ITSN1: variants seen among roughly 807,000 people sequenced by gnomAD.
ITSN1 encodes intersectin-1.
ITSN1 carries 58 observed loss-of-function variants against 239.8 expected under a neutral mutation model. The ratio of observed to expected loss-of-function variants is 0.24; its 90% CI spans 0.20 to 0.30. The LOEUF is 0.30. ITSN1 is among the 10% of genes least tolerant of loss of function. ITSN1 has a pLI of 1.00. For missense variants in ITSN1, 1,558 were observed against 2,103.3 expected (o/e 0.74, Z 5.07); for synonymous variants, 780 against 770.8 (o/e 1.01, Z -0.20).
intron 1 of ITSN1, among the ~76,000 whole-genome samples, chr21:33,648,853 AAG>A (rs1307564913): frequency 3.3e-5 from 5 of 152,046 alleles, no homozygotes; most frequent in Middle Eastern, 3.4e-3. Flanking sequence ...AGGGCAGGGC[AAG>A]AGAGAGAGAA....
At chr21:33,843,224 C>T (rs2074884048) in intron 29 of ITSN1, among the ~76,000 whole-genome samples, 2 of 152,194 alleles carry the variant, frequency 1.3e-5, no homozygotes, top group Non-Finnish European at 2.9e-5. Flanking sequence ...GATCTATGGA[C>T]ATGTGTGTCC....
intron 1 of ITSN1, among the ~76,000 whole-genome samples, chr21:33,661,290 A>T (rs2089534671): frequency 6.6e-6 from 1 of 152,048 alleles, no homozygotes; most frequent in Non-Finnish European, 1.5e-5. Flanking sequence ...TTGCACAGTG[A>T]TTTTCTTGGA....
chr21:33,888,315 G>A lies in ITSN1; in HGVS notation c.*15G>A, dbSNP rs180825877. The A allele has an allele frequency of 1.2e-6, 2 of 1,607,046 alleles. No individual in the cohort carries two copies. Among genetic ancestry groups the A allele is most frequent in the Non-Finnish European group, 1.7e-6 (2 of 1,176,248 alleles). ...ATGAGCCGTAGGCAGCGGGCTCAGG[G>A]TGTGCTCAGCAGGGTCCCAGCCCAC... On this transcript the variant is annotated 3_prime_UTR_variant, in exon 40 of 40. Transcript: ENST00000381318.
chr21:33,765,639 G>T (rs950880801), intron 9 of ITSN1, among the ~76,000 whole-genome samples: 4 of 152,176 alleles, frequency 2.6e-5, no homozygotes, highest in Admixed American at 2.6e-4. Flanking sequence ...ATATGCAAAG[G>T]TTGGGGAAGA....
At position 33,896,482 on chromosome 21, in the gene ITSN1, TG is replaced by T. The variant is rs1986788175; in HGVS notation, c.*8184del. On this transcript the variant is annotated 3_prime_UTR_variant, in exon 40 of 40. Transcript: ENST00000381318. ...ACTTGCTCCTCCAGCCTTCACCCCC[TG>T]GAGAGAAGGGGAGTCTGCGGAGCCA... is the stretch of plus-strand genomic sequence containing the variant. 1 of 152,256 alleles carries T rather than the reference TG, an allele frequency of 6.6e-6. No homozygotes were observed. The highest frequency in any genetic ancestry group is 2.4e-5 in the African/African-American group (1 of 41,416). The allele number at this position is 152,256 out of a possible 1,614,324, so 9.4% of individuals were successfully genotyped here.
At chr21:33,817,232 C>T in intron 22 of ITSN1, 1 of 1,297,186 alleles carries the variant, frequency 7.7e-7, no homozygotes, top group South Asian at 1.2e-5. Context: ...CCTTTCCAGC[C>T]TGACTTCCTC....
chr21:33,706,959 G>A (rs920788133), intron 1 of ITSN1, among the ~76,000 whole-genome samples: 2 of 152,112 alleles, frequency 1.3e-5, no homozygotes, highest in Admixed American at 6.6e-5. Flanking sequence ...CTGACCTCAA[G>A]TGATCCACCC....
chr21:33,646,374 T>C (rs1475920398), intron 1 of ITSN1, among the ~76,000 whole-genome samples: 2 of 152,254 alleles, frequency 1.3e-5, no homozygotes, highest in African/African-American at 4.8e-5. Context: ...TATTGTCTTA[T>C]ATCAAAATAT....
intron 14 of ITSN1, among the ~76,000 whole-genome samples, chr21:33,781,226 C>T (rs2070153721): frequency 6.6e-6 from 1 of 152,052 alleles, no homozygotes; most frequent in African/African-American, 2.4e-5. Flanking sequence ...GGTAAGTCAA[C>T]AAAAATATAA....
At chr21:33,674,071 A>G (rs566247123) in intron 1 of ITSN1, among the ~76,000 whole-genome samples, 70 of 152,304 alleles carry the variant, frequency 4.6e-4, no homozygotes, top group Admixed American at 1.4e-3. Context: ...TGACATATGT[A>G]ATTAAATGAG....
intron 1 of ITSN1, among the ~76,000 whole-genome samples, chr21:33,690,777 A>ATGTG (rs1410211078): frequency 4.1e-4 from 8 of 19,282 alleles, no homozygotes; most frequent in African/African-American, 2.9e-3. Context: ...AAAAAAGTGT[A>ATGTG]TATATATATA....
intron 34 of ITSN1, 90 bp downstream of exon 34, chr21:33,875,611 T>C: frequency 4.8e-6 from 6 of 1,239,950 alleles, no homozygotes; most frequent in Admixed American, 5.0e-5. Flanking sequence ...TGAACCATTC[T>C]CCTCCCCAGC....
intron 11 of ITSN1, among the ~76,000 whole-genome samples, chr21:33,770,318 C>A (rs1167745914): frequency 6.6e-6 from 1 of 152,198 alleles, no homozygotes; most frequent in Non-Finnish European, 1.5e-5. Context: ...CTGCCTCGGC[C>A]TCCCAAAGTG....
In ITSN1 at chr21:33,892,474, CTA is replaced by C. The variant is rs767885877; in HGVS notation, c.*4176_*4177del. ...AGTGAGACCAAATGCTTGTGTTTCT[CTA>C]TGTTTTCAGTTCATTTGTTCAAATG... On this transcript the variant is annotated 3_prime_UTR_variant, in exon 40 of 40. Coordinates refer to ENST00000381318, the MANE Select transcript of ITSN1 (RefSeq NM_003024.3). The C allele has an allele frequency of 2.6e-5, 4 of 152,198 alleles. No individual in the cohort carries two copies. Among genetic ancestry groups the C allele is most frequent in the Admixed American group, 1.3e-4 (2 of 15,286 alleles). The allele number at this position is 152,198 out of a possible 1,614,324, so 9.4% of individuals were successfully genotyped here. A position where few individuals can be genotyped will look rare whatever the true frequency, so the allele number is the denominator to read the frequency against.
At chr21:33,778,893 T>C (rs966658759) in intron 14 of ITSN1, among the ~76,000 whole-genome samples, 2 of 152,114 alleles carry the variant, frequency 1.3e-5, no homozygotes, top group Non-Finnish European at 2.9e-5. Context: ...TATTCTCTTA[T>C]TGTATGTAAG....
chr21:33,859,225 A>ACGT (rs1478874800), intron 31 of ITSN1, among the ~76,000 whole-genome samples: 7 of 152,132 alleles, frequency 4.6e-5, no homozygotes, highest in African/African-American at 1.7e-4. Flanking sequence ...TCACTGCCTA[A>ACGT]CATCAGCAGT....
At chr21:33,802,573 G>T in intron 20 of ITSN1, 129 bp downstream of exon 20, 1 of 851,084 alleles carries the variant, frequency 1.2e-6, no homozygotes, top group Non-Finnish European at 1.9e-6. Flanking sequence ...GTTTGAGTCT[G>T]TGTAGTAGGT....
chr21:33,694,997 G>A (rs765753774), intron 1 of ITSN1, among the ~76,000 whole-genome samples: 8 of 151,980 alleles, frequency 5.3e-5, no homozygotes, highest in Non-Finnish European at 8.8e-5. Flanking sequence ...TTTTTTATTT[G>A]TAGAGATGAG....
At chr21:33,687,756 G>A (rs1432847918) in intron 1 of ITSN1, among the ~76,000 whole-genome samples, 3 of 152,174 alleles carry the variant, frequency 2.0e-5, no homozygotes, top group Admixed American at 6.5e-5. Flanking sequence ...ACTTGAATTG[G>A]CATTCATTGA....
Sources: gnomAD v4.1 joint callset for allele counts (sites outside exome capture counted in the v4.1 genomes callset) on GRCh38, gnomAD v4.1.1 for gene constraint, MANE v1.5 for transcripts, NCBI Gene and HGNC (gene_info 2026-07-23, HGNC 2026-07-21) for gene names.